C9orf85: variants seen among roughly 807,000 people sequenced by gnomAD.
C9orf85 encodes the protein uncharacterized protein C9orf85.
C9orf85 carries 16 observed loss-of-function variants against 14.9 expected under a neutral mutation model. The observed-to-expected ratio is 1.08, with a 90% CI of 0.73 to 1.63. The LOEUF is 1.63. C9orf85 is among the 40% of genes most tolerant of loss of function. The pLI is 0.00. For missense variants in C9orf85, 172 were observed against 186.1 expected, an observed-to-expected ratio of 0.92 and a Z score of 0.44; for synonymous variants, 45 against 56.8, an observed-to-expected ratio of 0.79 and a Z score of 0.93.
At chr9:71,976,610 C>T (rs948237151), downstream of C9orf85, among the ~76,000 whole-genome samples, 2 of 150,256 alleles carry the variant, frequency 1.3e-5, no homozygotes, top group Non-Finnish European at 2.9e-5. Flanking sequence ...TACAGTGAGC[C>T]GAGATCGCGC....
chr9:71,930,922 C>T (rs962978716), intron 1 of C9orf85, among the ~76,000 whole-genome samples: 1 of 151,874 alleles, frequency 6.6e-6, no homozygotes, highest in African/African-American at 2.4e-5. Flanking sequence ...TTGGTCTGAC[C>T]TTTGAACTTA....
chr9:71,969,099 G>A (rs965659739), intron 2 of C9orf85, among the ~76,000 whole-genome samples: 1 of 152,156 alleles, frequency 6.6e-6, no homozygotes, highest in Non-Finnish European at 1.5e-5. Context: ...AGAGAACAAG[G>A]AAGTTAAACT....
At chr9:71,943,519 T>G (rs569389672) in intron 1 of C9orf85, among the ~76,000 whole-genome samples, 1 of 152,186 alleles carries the variant, frequency 6.6e-6, no homozygotes, top group South Asian at 2.1e-4. Flanking sequence ...TTGAAGTCCT[T>G]TCTCGCCCAG....
chr9:71,928,186 CAAAAAAAAAAAAAAA>C (rs58238164), intron 1 of C9orf85, among the ~76,000 whole-genome samples: 15 of 74,278 alleles, frequency 2.0e-4, no homozygotes, highest in African/African-American at 7.3e-4. Context: ...GGCTCTGTCT[CAAAAAAAAAAAAAAA>C]AAAAAAAAAA....
intron 2 of C9orf85, among the ~76,000 whole-genome samples, chr9:71,959,993 C>A (rs1015097745): frequency 9.2e-5 from 14 of 152,288 alleles, no homozygotes; most frequent in African/African-American, 3.4e-4. Flanking sequence ...ATCTGTGACG[C>A]CCAGGAATTT....
At chr9:71,976,006 G>GA (rs1195741389), downstream of C9orf85, among the ~76,000 whole-genome samples, 2 of 152,026 alleles carry the variant, frequency 1.3e-5, no homozygotes, top group East Asian at 3.8e-4. Flanking sequence ...ACTTTACCAG[G>GA]AAAAAAATTT....
chr9:71,965,482 A>G (rs961331543), intron 2 of C9orf85, among the ~76,000 whole-genome samples: 1 of 152,130 alleles, frequency 6.6e-6, no homozygotes, highest in East Asian at 1.9e-4. Flanking sequence ...CAGTTTCCCA[A>G]ACTAGTGTTC....
chr9:71,941,812 A>G (rs1821936524), intron 1 of C9orf85: 2 of 152,162 alleles, frequency 1.3e-5, no homozygotes, highest in African/African-American at 4.8e-5. Context: ...TAGGTGTGGT[A>G]ACAGTATTGT....
intron 2 of C9orf85, among the ~76,000 whole-genome samples, chr9:71,958,736 CCCAGAT>C (rs1272948243): frequency 6.6e-6 from 1 of 152,008 alleles, no homozygotes; most frequent in Non-Finnish European, 1.5e-5. Context: ...TCTTTCTTTC[CCCAGAT>C]CCAGGAGAGA....
intron 2 of C9orf85, among the ~76,000 whole-genome samples, chr9:71,961,155 G>A (rs1258908327): frequency 6.6e-6 from 1 of 151,880 alleles, no homozygotes; most frequent in Non-Finnish European, 1.5e-5. Flanking sequence ...CAGGTGATCC[G>A]CCCACCTCGG....
In C9orf85 at chr9:71,982,014, A is replaced by G. The variant is rs769648990; in HGVS notation, c.324-643A>G. Reference sequence around the variant, plus strand: ...CACAATCCAGTTTTAGAACATTTCCATCATCCCAAAATGATCCCTCATGCT... The same window carrying G: ...CACAATCCAGTTTTAGAACATTTCCGTCATCCCAAAATGATCCCTCATGCT... On this transcript the variant is annotated intron_variant, in intron 3 of 3. Coordinates refer to the C9orf85 transcript ENST00000377031. 1.8e-3 allele frequency among the ~76,000 whole-genome samples: 273 copies of G among 152,272 alleles called. 1 individual carries two copies. The highest frequency in any genetic ancestry group is 3.2e-3 in the Non-Finnish European group (219 of 68,004).
At chr9:71,959,175 T>C (rs1351521169) in intron 2 of C9orf85, among the ~76,000 whole-genome samples, 1 of 152,106 alleles carries the variant, frequency 6.6e-6, no homozygotes, top group South Asian at 2.1e-4. Flanking sequence ...TTCACTCTTA[T>C]TGCCCAGGCT....
intron 1 of C9orf85, among the ~76,000 whole-genome samples, chr9:71,935,325 C>A (rs561875483): frequency 2.6e-5 from 4 of 152,092 alleles, no homozygotes; most frequent in African/African-American, 9.7e-5. Context: ...TTCATAGCAG[C>A]ATTATTTACA....
At chr9:71,934,725 G>A (rs1195374446) in intron 1 of C9orf85, among the ~76,000 whole-genome samples, 1 of 151,944 alleles carries the variant, frequency 6.6e-6, no homozygotes, top group African/African-American at 2.4e-5. Context: ...CAAAAGCTAG[G>A]CAGGTGTGGT....
intron 2 of C9orf85, among the ~76,000 whole-genome samples, chr9:71,958,448 G>A (rs1822433969): frequency 6.6e-6 from 1 of 151,644 alleles, no homozygotes; most frequent in African/African-American, 2.4e-5. Flanking sequence ...TTTTAGTAGA[G>A]ACAGGGTTTC....
Position 71,948,813 on chromosome 9 carries a change from GCCCC to G in C9orf85, c.209+1712_209+1715del, listed in dbSNP as rs34309232. ...TGCTGGGATTACAGGCGTGAGCCACGCCCCCCCCCCCCCCTTTAAATAGTTTTAC... is the reference window on the plus strand; with the variant it reads ...TGCTGGGATTACAGGCGTGAGCCACGCCCCCCCCCCTTTAAATAGTTTTAC... On this transcript the variant is annotated intron_variant, in intron 2 of 3. Transcript: ENST00000334731. 4.6e-4 allele frequency among the ~76,000 whole-genome samples: 35 copies of G among 75,846 alleles called. 2 individuals carry two copies. The highest frequency in any genetic ancestry group is 1.6e-3 in the African/African-American group (33 of 20,258). The allele number at this position is 75,846 out of a possible 152,430, so 49.8% of individuals were successfully genotyped here.
intron 3 of C9orf85, 110 bp from the exon 4 acceptor site, chr9:71,972,582 T>G: frequency 1.3e-6 from 1 of 763,226 alleles, no homozygotes; most frequent in Non-Finnish European, 2.0e-6. Flanking sequence ...TATACTTACT[T>G]CATTAGGTTT....
intron 1 of C9orf85, among the ~76,000 whole-genome samples, chr9:71,919,620 C>T (rs1320643280): frequency 3.9e-5 from 6 of 152,094 alleles, no homozygotes; most frequent in Admixed American, 6.5e-5. Context: ...TTGTGGTGTG[C>T]TAGGCATTAT....
At chr9:71,918,435 C>T (rs1362056634) in intron 1 of C9orf85, 1 of 1,303,214 alleles carries the variant, frequency 7.7e-7, no homozygotes, top group East Asian at 5.6e-5. Context: ...TCTTTATCTG[C>T]AAACTCTAGT....
Sources: allele counts gnomAD v4.1 joint callset (sites outside exome capture counted in the v4.1 genomes callset), GRCh38; gene constraint gnomAD v4.1.1; transcripts MANE v1.5; gene names NCBI Gene and HGNC (gene_info 2026-07-23, HGNC 2026-07-21).